The following MAP2K5 variants were observed in gnomAD, a reference collection of about 807,000 sequenced individuals.
MAP2K5 encodes dual specificity mitogen-activated protein kinase kinase 5.
In MAP2K5, 49 loss-of-function variants were observed where a neutral mutation model predicts 83.1. That is an observed-to-expected ratio of 0.59 (90% CI 0.47 to 0.75). MAP2K5 has a LOEUF of 0.75. Among genes scored for constraint, MAP2K5 ranks in the 30% least tolerant of loss-of-function variants. The pLI is 0.00. For missense variants in MAP2K5, 457 were observed against 557.5 expected, an observed-to-expected ratio of 0.82 and a Z score of 1.82; for synonymous variants, 202 against 191.8, an observed-to-expected ratio of 1.05 and a Z score of -0.44.
At position 67,781,156 on chromosome 15, in the gene MAP2K5, A is replaced by T. The variant is rs1229675959; in HGVS notation, c.1242+8404A>T. ...CCGTTTGTGGGAGAAATATAAAAGG[A>T]TCCTAAAGCTAGTCCCTGGGATTTG... is the stretch of plus-strand genomic sequence containing the variant. On this transcript the variant is annotated intron_variant, in intron 21 of 21. Coordinates refer to ENST00000178640, the MANE Select transcript of MAP2K5 (RefSeq NM_145160.3). This position sits in a 1 kb window ranked among gnomAD's most constrained non-coding sequence, Gnocchi z 4.0. 6.6e-6 allele frequency among the ~76,000 whole-genome samples: 1 copy of T among 152,204 alleles called. No individual in the cohort carries two copies. The highest frequency in any genetic ancestry group is 1.5e-5 in the Non-Finnish European group (1 of 68,034).
intron 3 of MAP2K5, 62 bp from the exon 4 acceptor site, chr15:67,580,692 A>C (rs951767482): frequency 9.7e-7 from 1 of 1,034,878 alleles, no homozygotes; most frequent in African/African-American, 1.6e-5. Context: ...TAAACAACCC[A>C]TAAGTGTCTG....
chr15:67,572,488 T>G lies in MAP2K5; in HGVS notation c.253-8266T>G, dbSNP rs913785720. Among the ~76,000 whole-genome samples the G allele has an allele frequency of 2.0e-5, 3 of 152,120 alleles. No homozygotes were observed. Among genetic ancestry groups the G allele is most frequent in the African/African-American group, 7.2e-5 (3 of 41,422 alleles). On this transcript the variant is annotated intron_variant, in intron 3 of 21. Coordinates refer to ENST00000178640, the MANE Select transcript of MAP2K5 (RefSeq NM_145160.3). The surrounding 1 kb of genome is among the most constrained non-coding windows in gnomAD (Gnocchi z 4.2). ...TCCACAGTGCAAAGTGAAAGTAAGT[T>G]TATTAAGAAAGTAAAGTGGTGAAAG...
intron 16 of MAP2K5, among the ~76,000 whole-genome samples, chr15:67,716,420 C>A (rs1041193063): frequency 3.9e-5 from 6 of 152,148 alleles, no homozygotes; most frequent in Admixed American, 2.0e-4. Context: ...GAGTTGAGAT[C>A]TGAAAGATAA....
rs1414544201 is a variant in MAP2K5, at chr15:67,607,560, G to A, written c.545+6811G>A. On this transcript the variant is annotated intron_variant, in intron 8 of 21. Coordinates refer to ENST00000178640, the MANE Select transcript of MAP2K5 (RefSeq NM_145160.3). ...CCAACATGACAGGATGTCACAGGTC[G>A]CTGAGCAGAGATTTTCAGACTCAGT... 4.6e-5 allele frequency among the ~76,000 whole-genome samples: 7 copies of A among 152,148 alleles called. No homozygotes were observed. In the South Asian group the frequency reaches 8.3e-4, roughly 18 times the overall value.
chr15:67,549,202 C>T (rs1157670411), intron 1 of MAP2K5: 7 of 1,535,228 alleles, frequency 4.6e-6, no homozygotes, highest in Non-Finnish European at 5.2e-6. Flanking sequence ...TCACTTTCCC[C>T]AGAGCGTAGG....
intron 17 of MAP2K5, among the ~76,000 whole-genome samples, chr15:67,731,714 G>A (rs2089227061): frequency 6.6e-6 from 1 of 152,188 alleles, no homozygotes; most frequent in Non-Finnish European, 1.5e-5. Context: ...AAAGTACCTT[G>A]CTTTAGGCAG....
chr15:67,799,813 C>T (rs927718484), intron 21 of MAP2K5, among the ~76,000 whole-genome samples: 15 of 152,166 alleles, frequency 9.9e-5, no homozygotes, highest in African/African-American at 3.6e-4. Context: ...TAGAATGAAG[C>T]CAGGAGAAGG....
chr15:67,545,959 C>G (rs141828291), intron 1 of MAP2K5, among the ~76,000 whole-genome samples: 2 of 152,304 alleles, frequency 1.3e-5, no homozygotes, highest in East Asian at 3.9e-4. Context: ...TGGCTCAAGG[C>G]TGACTGGCTT....
Position 67,750,650 on chromosome 15 carries a change from C to G in MAP2K5, c.1134+2049C>G, listed in dbSNP as rs2089697560. Among the ~76,000 whole-genome samples, 1 of 152,182 alleles carries G rather than the reference C, an allele frequency of 6.6e-6. No individual in the cohort carries two copies. Among genetic ancestry groups the G allele is most frequent in the Admixed American group, 6.5e-5 (1 of 15,280 alleles). On this transcript the variant is annotated intron_variant, in intron 19 of 21. Coordinates refer to ENST00000178640, the MANE Select transcript of MAP2K5 (RefSeq NM_145160.3). This position sits in a 1 kb window ranked among gnomAD's most constrained non-coding sequence, Gnocchi z 4.2. ...GAATCTACTAGTTTCTCGGGTAACT[C>G]TCTGCACATTATAAGTTTGAAAACC...
rs2088844890 is a variant in MAP2K5 at position 67,717,096 on chromosome 15, G to GA, written c.1045-10814dup. 6.6e-6 allele frequency among the ~76,000 whole-genome samples: 1 copy of GA among 152,052 alleles called. No individual in the cohort carries two copies. Among genetic ancestry groups the GA allele is most frequent in the Non-Finnish European group, 1.5e-5 (1 of 68,006 alleles). ...TTTAGGAAAGTAGATCAAGTAGTTT[G>GA]AAAAAAGAAGAGATGAATGGTAAAT... On this transcript the variant is annotated intron_variant, in intron 16 of 21. Transcript: ENST00000178640. This position sits in a 1 kb window ranked among gnomAD's most constrained non-coding sequence, Gnocchi z 4.1.
chr15:67,549,240 C>G, intron 1 of MAP2K5: 2 of 1,461,172 alleles, frequency 1.4e-6, no homozygotes, highest in Non-Finnish European at 1.9e-6. Flanking sequence ...ATTAAGCTGT[C>G]TCAGTATACT....
At position 67,757,087 on chromosome 15, in the gene MAP2K5, G is replaced by A. The variant is rs970200896; in HGVS notation, c.1134+8486G>A. ...AGTTGGATTACTGAATCATAGCGTA[G>A]TTCTTTTTTTAGTTTTTTGAGGAAC... On this transcript the variant is annotated intron_variant, in intron 19 of 21. Transcript: ENST00000178640. The surrounding 1 kb of genome is among the most constrained non-coding windows in gnomAD (Gnocchi z 4.9). 1.3e-5 allele frequency among the ~76,000 whole-genome samples: 2 copies of A among 151,832 alleles called. No individual in the cohort carries two copies. The highest frequency in any genetic ancestry group is 4.8e-5 in the African/African-American group (2 of 41,316).
At chr15:67,554,802 G>A (rs1330429283) in intron 2 of MAP2K5, among the ~76,000 whole-genome samples, 1 of 152,202 alleles carries the variant, frequency 6.6e-6, no homozygotes, top group Non-Finnish European at 1.5e-5. Flanking sequence ...TGAATGAGTG[G>A]AACGTTATGT....
At chr15:67,726,161 C>T (rs551232418) in intron 16 of MAP2K5, among the ~76,000 whole-genome samples, 1 of 152,230 alleles carries the variant, frequency 6.6e-6, no homozygotes, top group South Asian at 2.1e-4. Context: ...GATATGAGTA[C>T]AAGGTAATGA....
chr15:67,583,030 C>T (rs900005448), intron 4 of MAP2K5, among the ~76,000 whole-genome samples: 9 of 152,148 alleles, frequency 5.9e-5, no homozygotes, highest in African/African-American at 2.2e-4. Context: ...GATGTCTGCT[C>T]TGTTAAGGCA....
chr15:67,655,828 T>C (rs2087058807), intron 11 of MAP2K5, among the ~76,000 whole-genome samples: 1 of 152,212 alleles, frequency 6.6e-6, no homozygotes, highest in African/African-American at 2.4e-5. Flanking sequence ...TTCTCCTCTC[T>C]TTCTGATCTC....
At chr15:67,554,598 G>A (rs1050975501) in intron 2 of MAP2K5, among the ~76,000 whole-genome samples, 4 of 152,116 alleles carry the variant, frequency 2.6e-5, no homozygotes, top group Non-Finnish European at 4.4e-5. Flanking sequence ...TGAAACCTCC[G>A]GTGATTCCAG....
intron 6 of MAP2K5, among the ~76,000 whole-genome samples, chr15:67,591,276 C>T (rs1214601185): frequency 2.7e-5 from 4 of 150,882 alleles, no homozygotes; most frequent in Admixed American, 6.6e-5. Context: ...ACCCAGGAGG[C>T]GGAGGTTGCA....
chr15:67,725,375 T>G (rs2089065711), intron 16 of MAP2K5, among the ~76,000 whole-genome samples: 1 of 152,222 alleles, frequency 6.6e-6, no homozygotes, highest in Admixed American at 6.5e-5. Flanking sequence ...AGAATTCACA[T>G]TTTTTGCTGT....
Sources: allele counts gnomAD v4.1 joint callset (sites outside exome capture counted in the v4.1 genomes callset), GRCh38; gene constraint gnomAD v4.1.1; non-coding constraint Gnocchi (gnomAD v3.1); transcripts MANE v1.5; gene names NCBI Gene and HGNC (gene_info 2026-07-23, HGNC 2026-07-21).